DEUP1: variants seen among roughly 807,000 people sequenced by gnomAD.
DEUP1 encodes the protein coiled-coil domain containing 67.
DEUP1 carries 82 observed loss-of-function variants against 87.4 expected under a neutral mutation model. The ratio of observed to expected loss-of-function variants is 0.94; its 90% CI spans 0.78 to 1.13. The LOEUF (loss-of-function observed/expected upper bound fraction) is 1.13. DEUP1 is among the 50% of genes most tolerant of loss of function. The pLI is 0.00. For synonymous variants in DEUP1, 214 were observed against 222.7 expected, an observed-to-expected ratio of 0.96 and a Z score of 0.35; for missense variants, 663 against 681.5, an observed-to-expected ratio of 0.97 and a Z score of 0.30.
chr11:93,413,879 ATAATTAG>A (rs1251967442), intron 12 of DEUP1, among the ~76,000 whole-genome samples: 3 of 152,204 alleles, frequency 2.0e-5, no homozygotes, highest in African/African-American at 7.2e-5. Context: ...TAAAAAGTAA[ATAATTAG>A]ACGAATAATT....
intron 7 of DEUP1, among the ~76,000 whole-genome samples, chr11:93,384,815 G>A (rs1399847957): frequency 6.6e-6 from 1 of 152,140 alleles, no homozygotes; most frequent in African/African-American, 2.4e-5. Context: ...ATATTTGTGT[G>A]ATGATTTGAT....
upstream of DEUP1, chr11:93,330,680 G>T (rs911500443): frequency 1.3e-5 from 2 of 153,006 alleles, no homozygotes; most frequent in African/African-American, 4.8e-5. Context: ...CGGGTGGCGG[G>T]GCCCCTTGGG....
chr11:93,431,928 A>C lies in DEUP1; in HGVS notation c.1639-5615A>C, dbSNP rs549886144. ...GGTTAGAGGAGTAATCATGATTTCT[A>C]GGTTGGGCATATAAGTTTAAAATGT... On this transcript the variant is annotated intron_variant, in intron 13 of 13. Transcript: ENST00000298050. Among the ~76,000 whole-genome samples the C allele has an allele frequency of 7.2e-5, 11 of 152,330 alleles. No individual in the cohort carries two copies. The South Asian group carries it at 1.9e-3, about 26-fold the overall frequency.
intron 2 of DEUP1, among the ~76,000 whole-genome samples, chr11:93,333,734 G>C (rs1943604142): frequency 6.6e-6 from 1 of 152,226 alleles, no homozygotes; most frequent in Non-Finnish European, 1.5e-5. Flanking sequence ...AGTAGAGAAA[G>C]TAGGATTTGA....
At chr11:93,337,515 T>C (rs1232875040) in intron 2 of DEUP1, among the ~76,000 whole-genome samples, 2 of 152,220 alleles carry the variant, frequency 1.3e-5, no homozygotes, top group African/African-American at 4.8e-5. Context: ...CCTCTCTTCA[T>C]ACTTTATTCA....
chr11:93,349,615 T>C (rs904654032), intron 2 of DEUP1, among the ~76,000 whole-genome samples: 1 of 151,924 alleles, frequency 6.6e-6, no homozygotes, highest in Non-Finnish European at 1.5e-5. Flanking sequence ...AAAGAAGAGC[T>C]AGAATTAGAA....
chr11:93,351,095 A>C (rs1203246886), intron 2 of DEUP1, among the ~76,000 whole-genome samples: 8 of 150,186 alleles, frequency 5.3e-5, no homozygotes, highest in Non-Finnish European at 7.4e-5. Flanking sequence ...TATGTAAAAA[A>C]TATATATGTA....
intron 13 of DEUP1, among the ~76,000 whole-genome samples, chr11:93,420,853 CA>C (rs1233494857): frequency 7.9e-6 from 1 of 126,498 alleles, no homozygotes; most frequent in African/African-American, 3.0e-5. Context: ...ATCCAACTTA[CA>C]AGGGATGTGA....
At chr11:93,394,911 T>G (rs1946890455) in intron 10 of DEUP1, among the ~76,000 whole-genome samples, 1 of 152,136 alleles carries the variant, frequency 6.6e-6, no homozygotes, top group South Asian at 2.1e-4. Context: ...GTAACCTATA[T>G]TCTGATCACC....
At chr11:93,347,275 CA>C (rs998048444) in intron 2 of DEUP1, among the ~76,000 whole-genome samples, 5 of 152,158 alleles carry the variant, frequency 3.3e-5, no homozygotes, top group Admixed American at 3.3e-4. Flanking sequence ...CTGAGATAAT[CA>C]TGTGGTTTTT....
intron 11 of DEUP1, among the ~76,000 whole-genome samples, chr11:93,402,226 T>C (rs1947140539): frequency 1.3e-5 from 2 of 151,888 alleles, no homozygotes; most frequent in Non-Finnish European, 2.9e-5. Flanking sequence ...AAAGAAGACA[T>C]ACAGATGGCC....
At chr11:93,429,448 G>T (rs1370877386) in intron 13 of DEUP1, among the ~76,000 whole-genome samples, 2 of 152,152 alleles carry the variant, frequency 1.3e-5, no homozygotes, top group African/African-American at 4.8e-5. Flanking sequence ...AATGGAAAAA[G>T]TTGCTAAATA....
At chr11:93,366,301 A>T (rs1200551217) in intron 5 of DEUP1, among the ~76,000 whole-genome samples, 1 of 152,220 alleles carries the variant, frequency 6.6e-6, no homozygotes, top group Non-Finnish European at 1.5e-5. Context: ...ACCGTTTTAC[A>T]GGTGAAGGTC....
chr11:93,334,685 A>G (rs1253962129), intron 2 of DEUP1, among the ~76,000 whole-genome samples: 5 of 152,190 alleles, frequency 3.3e-5, no homozygotes, highest in Non-Finnish European at 7.4e-5. Flanking sequence ...GAGTGAATCA[A>G]TATTCTCTGA....
chr11:93,337,691 C>T (rs1054054268), intron 2 of DEUP1, among the ~76,000 whole-genome samples: 2 of 151,720 alleles, frequency 1.3e-5, no homozygotes, highest in African/African-American at 4.9e-5. Flanking sequence ...TGCTGAGTGA[C>T]TGTAGGAATT....
At chr11:93,348,269 T>A (rs530323593) in intron 2 of DEUP1, among the ~76,000 whole-genome samples, 35 of 152,194 alleles carry the variant, frequency 2.3e-4, no homozygotes, top group African/African-American at 7.7e-4. Flanking sequence ...TTTTTATTCA[T>A]TTTTTTCAAA....
At chr11:93,396,577 A>G (rs1946952458) in intron 11 of DEUP1, among the ~76,000 whole-genome samples, 1 of 152,076 alleles carries the variant, frequency 6.6e-6, no homozygotes, top group African/African-American at 2.4e-5. Context: ...CAAGCATGCT[A>G]TTTCCTTGCT....
Position 93,431,412 on chromosome 11 carries a change from C to A in DEUP1, c.1639-6131C>A, listed in dbSNP as rs540723019. Among the ~76,000 whole-genome samples the A allele has an allele frequency of 1.2e-4, 18 of 152,044 alleles. No homozygotes were observed. The South Asian group carries it at 3.3e-3, about 28-fold the overall frequency. ...TTAGAAGGGAAGAGGGAGACTGGAACAAAAGGGAACAGATAAGTTGTCAGG... is the reference window on the plus strand; with the variant it reads ...TTAGAAGGGAAGAGGGAGACTGGAAAAAAAGGGAACAGATAAGTTGTCAGG... On this transcript the variant is annotated intron_variant, in intron 13 of 13. Coordinates refer to ENST00000298050, the MANE Select transcript of DEUP1 (RefSeq NM_181645.4).
chr11:93,409,693 G>A (rs1199779407), intron 12 of DEUP1, among the ~76,000 whole-genome samples: 1 of 152,090 alleles, frequency 6.6e-6, no homozygotes, highest in East Asian at 1.9e-4. Context: ...TTACATAACA[G>A]AAATAATATT....
Sources: allele counts gnomAD v4.1 joint callset (sites outside exome capture counted in the v4.1 genomes callset), GRCh38; gene constraint gnomAD v4.1.1; transcripts MANE v1.5; gene names NCBI Gene and HGNC (gene_info 2026-07-23, HGNC 2026-07-21).